Variants in NHS observed in about 807,000 individuals in gnomAD.
NHS encodes actin remodeling regulator NHS.
NHS carries 5 observed loss-of-function variants against 72.5 expected under a neutral mutation model. The observed-to-expected ratio is 0.07, with a 90% CI of 0.04 to 0.14. The LOEUF is 0.14. Ranked by LOEUF, NHS falls within the 10% of genes least tolerant of loss-of-function variation. The pLI is 1.00. For synonymous variants in NHS, 464 were observed against 547.7 expected, an observed-to-expected ratio of 0.85 and a Z score of 2.13; for missense variants, 1,072 against 1,355.7, an observed-to-expected ratio of 0.79 and a Z score of 3.29.
chrX:17,720,507 CT>C (rs781332593), intron 4 of NHS, among the ~76,000 whole-genome samples: 18 of 112,636 alleles, frequency 1.6e-4, no homozygotes, highest in African/African-American at 5.8e-4. Flanking sequence ...GTGGTGAAAA[CT>C]GAGTCTTTTA....
chrX:17,484,990 G>A (rs2064961623), intron 1 of NHS, among the ~76,000 whole-genome samples: 1 of 111,753 alleles, frequency 8.9e-6, no homozygotes, highest in South Asian at 3.7e-4. Flanking sequence ...CCCAATAAGT[G>A]GTGTGAGAGG....
chrX:17,531,553 C>T (rs2065198734), intron 1 of NHS, among the ~76,000 whole-genome samples: 1 of 112,502 alleles, frequency 8.9e-6, no homozygotes, highest in South Asian at 3.7e-4. Context: ...TCAAAGTTTC[C>T]CGCACCATTA....
At chrX:17,612,446 AG>A (rs2065716181) in intron 1 of NHS, among the ~76,000 whole-genome samples, 1 of 110,479 alleles carries the variant, frequency 9.1e-6, no homozygotes, top group African/African-American at 3.3e-5. Flanking sequence ...GCTGGGTGAC[AG>A]GTCTCCCTTG....
At chrX:17,725,164 G>C (rs948312443) in intron 6 of NHS, among the ~76,000 whole-genome samples, 183 bp from the exon 7 acceptor site, 4 of 109,587 alleles carry the variant, frequency 3.7e-5, no homozygotes, top group African/African-American at 1.3e-4. Context: ...ATATGAGGGG[G>C]ACGTGTATAT....
At chrX:17,536,613 G>A (rs965418650) in intron 1 of NHS, among the ~76,000 whole-genome samples, 2 of 112,379 alleles carry the variant, frequency 1.8e-5, no homozygotes, top group Non-Finnish European at 3.8e-5. Flanking sequence ...TTCTGCTAGT[G>A]GGGTGGTTTG....
At chrX:17,436,376 G>T (rs1048773596) in intron 1 of NHS, among the ~76,000 whole-genome samples, 26 of 110,571 alleles carry the variant, frequency 2.4e-4, no homozygotes, top group Non-Finnish European at 3.8e-4. Context: ...TTAAAGAAAA[G>T]CCCTCCCTTT....
chrX:17,420,983 G>T (rs747273957), intron 1 of NHS, among the ~76,000 whole-genome samples: 27 of 110,915 alleles, frequency 2.4e-4, no homozygotes, highest in African/African-American at 8.8e-4. Context: ...ATAGAGACAG[G>T]TGTTACATGA....
chrX:17,542,590 G>T (rs375157730), intron 1 of NHS, among the ~76,000 whole-genome samples: 1 of 112,441 alleles, frequency 8.9e-6, no homozygotes, highest in East Asian at 2.8e-4. Flanking sequence ...TGCTGGGTCA[G>T]CTTCAGAAGC....
intron 1 of NHS, among the ~76,000 whole-genome samples, chrX:17,395,210 A>G (rs1185745171): frequency 9.0e-6 from 1 of 111,294 alleles, no homozygotes; most frequent in Non-Finnish European, 1.9e-5. Flanking sequence ...GACAATATCC[A>G]GGTGCAACTT....
chrX:17,545,663 C>T (rs1265286349), intron 1 of NHS, among the ~76,000 whole-genome samples: 3 of 112,082 alleles, frequency 2.7e-5, no homozygotes, highest in Admixed American at 9.4e-5. Flanking sequence ...ATACATTGGT[C>T]AGTGTCCAGG....
At chrX:17,609,753 A>T (rs12009496) in intron 1 of NHS, among the ~76,000 whole-genome samples, 6,192 of 111,344 alleles carry the variant, frequency 0.056, 415 homozygotes, top group African/African-American at 0.19. Flanking sequence ...GGGACCATTG[A>T]TCTATGGCAG....
At chrX:17,378,059 C>CGTGTGTGTGTGT (rs34807039) in intron 1 of NHS, among the ~76,000 whole-genome samples, 1,147 of 101,032 alleles carry the variant, frequency 0.011, 18 homozygotes, top group African/African-American at 0.041. Flanking sequence ...ATACATTTCC[C>CGTGTGTGTGTGT]GTGTGTGTGT....
intron 1 of NHS, among the ~76,000 whole-genome samples, chrX:17,468,736 G>A (rs767410704): frequency 9.1e-6 from 1 of 110,185 alleles, no homozygotes; most frequent in Non-Finnish European, 1.9e-5. Flanking sequence ...AAAATTTTTT[G>A]TAGAGACAGG....
At position 17,719,399 on chromosome X, in the gene NHS, G is replaced by A. The variant is rs770242443; in HGVS notation, c.908G>A (p.Ser303Asn). 17 of 1,163,593 alleles carry A rather than the reference G, an allele frequency of 1.5e-5. No homozygotes were observed. The highest frequency in any genetic ancestry group is 2.0e-5 in the Non-Finnish European group (17 of 869,462). The change falls in exon 4 of 9, where the codon AGT becomes AAT. Residue 303 changes from serine (S) to asparagine (N), a missense_variant. Ser to Asn is a conservative substitution (Grantham distance 46). Coordinates refer to ENST00000676302, the MANE Select transcript of NHS (RefSeq NM_001291867.2). ...PTECCHMTPW[S>N]RKSHPPEDED... The stretch of plus-strand genomic sequence containing the variant: ...GAATGTTGCCACATGACCCCGTGGA[G>A]TAGAAAGGTATTGGTTCTGAGAACA...
intron 3 of NHS, among the ~76,000 whole-genome samples, chrX:17,706,360 A>T (rs1289669173): frequency 8.9e-6 from 1 of 111,861 alleles, no homozygotes; most frequent in East Asian, 2.8e-4. Context: ...TATCAATGCT[A>T]ATGACCTGGT....
At chrX:17,719,143 G>A in intron 3 of NHS, 1 of 330,845 alleles carries the variant, frequency 3.0e-6, no homozygotes, top group Non-Finnish European at 5.2e-6. Flanking sequence ...AAGAAAGGAA[G>A]GAATAATAAG....
chrX:17,626,984 A>G (rs1158926768), intron 1 of NHS, among the ~76,000 whole-genome samples: 1 of 112,081 alleles, frequency 8.9e-6, no homozygotes, highest in Non-Finnish European at 1.9e-5. Flanking sequence ...ATTTGATCCC[A>G]TTGCTGCAAG....
chrX:17,579,636 G>A (rs2065532385), intron 1 of NHS, among the ~76,000 whole-genome samples: 1 of 111,494 alleles, frequency 9.0e-6, no homozygotes, highest in Non-Finnish European at 1.9e-5. Flanking sequence ...CGCAGGCATA[G>A]CGGATCCAGA....
intron 1 of NHS, among the ~76,000 whole-genome samples, chrX:17,407,756 T>C (rs1393173178): frequency 9.0e-6 from 1 of 111,418 alleles, no homozygotes. Context: ...GAGCTGAAGA[T>C]TGGTTGTTAC....
Sources: allele counts gnomAD v4.1 joint callset (sites outside exome capture counted in the v4.1 genomes callset), GRCh38; gene constraint gnomAD v4.1.1; transcripts MANE v1.5; gene names NCBI Gene and HGNC (gene_info 2026-07-23, HGNC 2026-07-21).